FKBP7: variants seen among roughly 807,000 people sequenced by gnomAD.
FKBP7 encodes the protein FKBP prolyl isomerase 7, also known as peptidyl-prolyl cis-trans isomerase FKBP7.
FKBP7 carries 24 observed loss-of-function variants against 24.3 expected under a neutral mutation model. That is an observed-to-expected ratio of 0.99 (90% CI 0.72 to 1.39). FKBP7 has a LOEUF of 1.39. Among genes scored for constraint, FKBP7 ranks in the 40% most tolerant of loss-of-function variants. The probability of loss-of-function intolerance (pLI) is 0.00; values close to 1 mark genes in which losing one functional copy is unlikely to be tolerated. For synonymous variants in FKBP7, 98 were observed against 92.8 expected, an observed-to-expected ratio of 1.06 and a Z score of -0.32; for missense variants, 257 against 269.5, an observed-to-expected ratio of 0.95 and a Z score of 0.33.
intron 2 of FKBP7, among the ~76,000 whole-genome samples, chr2:178,470,000 T>C (rs1232479642): frequency 2.6e-5 from 4 of 152,114 alleles, no homozygotes; most frequent in Admixed American, 6.5e-5. Context: ...ATAAATACTT[T>C]TTTAGGAATA....
rs572008844 is a variant in FKBP7 at position 178,472,198 on chromosome 2, C to A, written c.374-2413G>T. 1.3e-4 allele frequency among the ~76,000 whole-genome samples: 20 copies of A among 151,750 alleles called. 1 individual carries two copies. The South Asian group carries it at 4.0e-3, about 30-fold the overall frequency. On this transcript the variant is annotated intron_variant, in intron 2 of 3. Coordinates refer to ENST00000424785, the MANE Select transcript of FKBP7 (RefSeq NM_181342.3). ...CAAGTGATTCTTGTGTTTCAGCCTCCCAAGTAGCTGGGATTACAGGCACAA... is the reference window on the plus strand; with the variant it reads ...CAAGTGATTCTTGTGTTTCAGCCTCACAAGTAGCTGGGATTACAGGCACAA...
intron 2 of FKBP7, among the ~76,000 whole-genome samples, chr2:178,471,132 T>C (rs1211725316): frequency 6.6e-6 from 1 of 152,060 alleles, no homozygotes; most frequent in Non-Finnish European, 1.5e-5. Context: ...CCCTAAGTGC[T>C]AGGATTACAG....
chr2:178,464,820 C>G lies in FKBP7; in HGVS notation c.*950G>C, dbSNP rs1684608691. ...ACCATGACACAAAATTGCCATGGCA[C>G]TGTATATCCTCCTTTGTTTGGCACA... On this transcript the variant is annotated 3_prime_UTR_variant, in exon 4 of 4. Coordinates refer to ENST00000424785, the MANE Select transcript of FKBP7 (RefSeq NM_181342.3). 1 of 152,182 alleles carries G rather than the reference C, an allele frequency of 6.6e-6. No homozygotes were observed. 9.4% of individuals were successfully genotyped at this position (152,182 alleles called of 1,614,324 possible).
chr2:178,474,729 C>A (rs896781908), intron 2 of FKBP7, among the ~76,000 whole-genome samples: 15 of 152,152 alleles, frequency 9.9e-5, no homozygotes, highest in African/African-American at 3.6e-4. Context: ...GCTGTGTTGC[C>A]CAGATTGGAG....
At chr2:178,466,927 T>C (rs1462195616) in intron 3 of FKBP7, among the ~76,000 whole-genome samples, 1 of 152,178 alleles carries the variant, frequency 6.6e-6, no homozygotes, top group East Asian at 1.9e-4. Context: ...TAGCAATACA[T>C]ATCCCAGGGT....
In FKBP7 at chr2:178,463,841, C is replaced by A. The variant is rs1258104674; in HGVS notation, c.*1929G>T. ...CAAAGTTTAGATTATAGGGTGACTT[C>A]TTAATATGGATACAAAAAATTGAGA... On this transcript the variant is annotated 3_prime_UTR_variant, in exon 4 of 4. Transcript: ENST00000424785. 1.3e-5 allele frequency: 2 copies of A among 152,078 alleles called. No homozygotes were observed. Among genetic ancestry groups the A allele is most frequent in the Non-Finnish European group, 2.9e-5 (2 of 68,016 alleles). 9.4% of individuals were successfully genotyped at this position (152,078 alleles called of 1,614,324 possible).
At chr2:178,471,256 C>T (rs1334231257) in intron 2 of FKBP7, among the ~76,000 whole-genome samples, 2 of 151,430 alleles carry the variant, frequency 1.3e-5, no homozygotes, top group African/African-American at 4.9e-5. Flanking sequence ...GTCACCCAGG[C>T]TGGAGTGCAA....
In FKBP7 at chr2:178,478,533, T is replaced by C. The variant is rs1165442120; in HGVS notation, c.-34A>G. ...GCAGAACACTGCTCTCCCTCCCGCG[T>C]GTCACTCGCGCCCCGTGGATGTCCC... On this transcript the variant is annotated 5_prime_UTR_variant, in exon 1 of 4. Transcript: ENST00000424785. 1 of 1,610,186 alleles carries C rather than the reference T, an allele frequency of 6.2e-7. No individual in the cohort carries two copies. The highest frequency in any genetic ancestry group is 2.2e-5 in the East Asian group (1 of 44,852).
intron 3 of FKBP7, among the ~76,000 whole-genome samples, chr2:178,466,686 T>C (rs1403102367): frequency 1.3e-5 from 2 of 152,176 alleles, no homozygotes; most frequent in Admixed American, 6.5e-5. Context: ...ATTATAGATA[T>C]ATTGAGTGAA....
rs938693803 is a variant in FKBP7, at chr2:178,463,698, T to A, written c.*2072A>T. On this transcript the variant is annotated 3_prime_UTR_variant, in exon 4 of 4. Coordinates refer to ENST00000424785, the MANE Select transcript of FKBP7 (RefSeq NM_181342.3). Reference sequence around the variant, plus strand: ...GAATGATTATAAATTTATTTTTAATTATGTAAATACAAGTTTTAGAATGAA... The same window carrying A: ...GAATGATTATAAATTTATTTTTAATAATGTAAATACAAGTTTTAGAATGAA... 6.6e-6 allele frequency: 1 copy of A among 152,232 alleles called. No individual in the cohort carries two copies. The highest frequency in any genetic ancestry group is 1.5e-5 in the Non-Finnish European group (1 of 68,050). 9.4% of individuals were successfully genotyped at this position (152,232 alleles called of 1,614,324 possible).
At chr2:178,477,436 G>A (rs887625511) in intron 1 of FKBP7, among the ~76,000 whole-genome samples, 2 of 152,042 alleles carry the variant, frequency 1.3e-5, no homozygotes, top group African/African-American at 4.8e-5. Context: ...TTTTAAAATT[G>A]TTATCTTTAC....
chr2:178,478,454 A>G lies in FKBP7; in HGVS notation c.46T>C (p.Tyr16His). The change falls in exon 1 of 4, where the codon TAT (tyrosine) becomes CAT (histidine). Residue 16 changes from tyrosine to histidine, a missense_variant. Transcript: ENST00000424785. ...HFLFRFIVFF[Y>H]LWGLFTAQRQ... ...TGAGCAGTAAAAAGGCCCCACAGAT[A>G]AAAGAAAACAATGAATCTGAATAAG... is the stretch of plus-strand genomic sequence containing the variant. 6.2e-7 allele frequency: 1 copy of G among 1,614,210 alleles called. No homozygotes were observed. The highest frequency in any genetic ancestry group is 8.5e-7 in the Non-Finnish European group (1 of 1,180,026).
intron 2 of FKBP7, chr2:178,472,953 C>T: frequency 2.3e-6 from 1 of 435,522 alleles, no homozygotes. Context: ...GGAAAATATG[C>T]ATTTGCTACG....
chr2:178,476,326 T>G (rs1043632054), intron 2 of FKBP7, among the ~76,000 whole-genome samples: 1 of 152,246 alleles, frequency 6.6e-6, no homozygotes, highest in Non-Finnish European at 1.5e-5. Context: ...TCTATCATTT[T>G]TTATTTCACT....
Position 178,478,596 on chromosome 2 carries a change from G to A in FKBP7, c.-97C>T, listed in dbSNP as rs1685085783. ...CGACGCGTGGCAGGCGTTGTCCTGC[G>A]TCACAAAGGGCCGGGGCGGGGCCAT... is the stretch of plus-strand genomic sequence containing the variant. On this transcript the variant is annotated 5_prime_UTR_variant, in exon 1 of 4. The change creates a new upstream start codon in the 5' untranslated region. Transcript: ENST00000424785. 6.4e-7 allele frequency: 1 copy of A among 1,552,370 alleles called. No individual in the cohort carries two copies. Among genetic ancestry groups the A allele is most frequent in the Non-Finnish European group, 8.6e-7 (1 of 1,157,556 alleles).
rs1285078521 is a variant in FKBP7, at chr2:178,468,297, AG to A, written c.507+1354del. Among the ~76,000 whole-genome samples, 5 of 152,268 alleles carry A rather than the reference AG, an allele frequency of 3.3e-5. No individual in the cohort carries two copies. In the South Asian group the frequency reaches 8.3e-4, roughly 25 times the overall value. On this transcript the variant is annotated intron_variant, in intron 3 of 3. Coordinates refer to ENST00000424785, the MANE Select transcript of FKBP7 (RefSeq NM_181342.3). The stretch of plus-strand genomic sequence containing the variant: ...AGTAAGACATTAGAATTCAATAAAT[AG>A]TATTAGACTTGAAACATTCATGATT...
intron 2 of FKBP7, among the ~76,000 whole-genome samples, chr2:178,473,300 C>T (rs773928989): frequency 1.3e-5 from 2 of 152,130 alleles, no homozygotes; most frequent in African/African-American, 4.8e-5. Flanking sequence ...CCTAATGTAA[C>T]GCAGGCAAGG....
At position 178,478,360 on chromosome 2, in the gene FKBP7, G is replaced by C; in HGVS notation, c.140C>G (p.Ser47Cys). ...IEVLHRPENC[S>C]KTSKKGDLLN... ...TAGGTCTCCCTTCTTGCTTGTCTTA[G>C]AGCAGTTTTCTGGACGATGCAAAAC... is the stretch of plus-strand genomic sequence containing the variant. Residue 47 changes from serine (S) to cysteine (C), a missense_variant, in exon 1 of 4, where the codon TCT becomes TGT. Physicochemically the swap from Ser to Cys is moderately radical, Grantham distance 112 (BLOSUM62 -1). Coordinates refer to ENST00000424785, the MANE Select transcript of FKBP7 (RefSeq NM_181342.3). 1.9e-6 allele frequency: 3 copies of C among 1,614,152 alleles called. No homozygotes were observed. Among genetic ancestry groups the C allele is most frequent in the South Asian group, 1.1e-5 (1 of 91,086 alleles).
intron 2 of FKBP7, among the ~76,000 whole-genome samples, chr2:178,470,101 T>A (rs939318339): frequency 1.3e-5 from 2 of 152,186 alleles, no homozygotes; most frequent in Non-Finnish European, 2.9e-5. Flanking sequence ...ATAAACTTTT[T>A]ATTAATGCAT....
Sources: gnomAD v4.1 joint callset for allele counts (sites outside exome capture counted in the v4.1 genomes callset) on GRCh38, gnomAD v4.1.1 for gene constraint, MANE v1.5 for transcripts, NCBI Gene and HGNC (gene_info 2026-07-23, HGNC 2026-07-21) for gene names.